The following MAD1L1 variants were observed in gnomAD, a reference collection of about 807,000 sequenced individuals.
MAD1L1 encodes the protein mitotic arrest deficient 1 like 1.
In MAD1L1, 95 loss-of-function variants were observed where a neutral mutation model predicts 96.9. The observed-to-expected ratio is 0.98, with a 90% CI of 0.83 to 1.16. The LOEUF is 1.16. Ranked by LOEUF, MAD1L1 falls within the 50% of genes most tolerant of loss-of-function variation. The pLI is 0.00. For synonymous variants in MAD1L1, 473 were observed against 396.6 expected (o/e 1.19, Z -2.29); for missense variants, 1,007 against 954.4 (o/e 1.06, Z -0.73).
intron 17 of MAD1L1, among the ~76,000 whole-genome samples, chr7:1,908,228 G>A (rs140595673): frequency 0.012 from 1,840 of 152,306 alleles, 23 homozygotes; most frequent in Middle Eastern, 0.017. Context: ...CGCAACTCTC[G>A]CGATCATACC....
chr7:2,179,356 C>T (rs182005133), intron 10 of MAD1L1, among the ~76,000 whole-genome samples: 4 of 151,702 alleles, frequency 2.6e-5, no homozygotes, highest in South Asian at 2.1e-4. Flanking sequence ...GGTAAAACCC[C>T]GTCTCTACTA....
chr7:2,127,641 C>G (rs990875381), intron 11 of MAD1L1, among the ~76,000 whole-genome samples: 18 of 152,100 alleles, frequency 1.2e-4, no homozygotes, highest in African/African-American at 3.9e-4. Context: ...CCCACAGGAA[C>G]CCACCTGCAG....
intron 10 of MAD1L1, among the ~76,000 whole-genome samples, chr7:2,177,912 G>A (rs1269898743): frequency 1.3e-5 from 2 of 151,978 alleles, no homozygotes; most frequent in Admixed American, 6.6e-5. Flanking sequence ...GGCTCTGGAG[G>A]CAAGAGCAAC....
At chr7:2,184,527 T>C (rs1408787034) in intron 10 of MAD1L1, among the ~76,000 whole-genome samples, 1 of 152,132 alleles carries the variant, frequency 6.6e-6, no homozygotes, top group Non-Finnish European at 1.5e-5. Flanking sequence ...CACGTACTCA[T>C]TAAAAGGCCC....
intron 14 of MAD1L1, among the ~76,000 whole-genome samples, chr7:1,998,364 T>C (rs981249046): frequency 6.6e-6 from 1 of 152,062 alleles, no homozygotes; most frequent in Non-Finnish European, 1.5e-5. Flanking sequence ...ACATGGGGAG[T>C]CCATGCTCCA....
chr7:2,054,436 T>C (rs1218343277), intron 12 of MAD1L1, among the ~76,000 whole-genome samples: 2 of 152,090 alleles, frequency 1.3e-5, no homozygotes, highest in African/African-American at 4.8e-5. Context: ...AAAATTGCTT[T>C]TCTCCCTGGA....
chr7:1,982,427 C>G (rs959914029), intron 14 of MAD1L1, among the ~76,000 whole-genome samples: 1 of 152,028 alleles, frequency 6.6e-6, no homozygotes, highest in African/African-American at 2.4e-5. Context: ...GAGGCTGGTC[C>G]CGATCTCCTG....
intron 17 of MAD1L1, among the ~76,000 whole-genome samples, chr7:1,931,049 G>C (rs541394381): frequency 6.7e-6 from 1 of 149,860 alleles, no homozygotes; most frequent in Non-Finnish European, 1.5e-5. Context: ...CTGACACCAC[G>C]GGAACACCCC....
At chr7:2,189,078 T>C (rs1584508797) in intron 10 of MAD1L1, among the ~76,000 whole-genome samples, 1 of 152,148 alleles carries the variant, frequency 6.6e-6, no homozygotes, top group East Asian at 1.9e-4. Context: ...GGAACGGTGC[T>C]CCACACCACT....
chr7:2,153,248 C>G (rs1789667550), intron 10 of MAD1L1, among the ~76,000 whole-genome samples: 1 of 152,118 alleles, frequency 6.6e-6, no homozygotes, highest in Non-Finnish European at 1.5e-5. Context: ...AGTGAAGAGA[C>G]AGCCTCTTGA....
intron 10 of MAD1L1, among the ~76,000 whole-genome samples, chr7:2,152,093 C>A (rs193153975): frequency 6.6e-6 from 1 of 152,230 alleles, no homozygotes; most frequent in African/African-American, 2.4e-5. Context: ...CAGGCAGGAA[C>A]AGAGAGCATG....
chr7:2,102,334 CCAT>C (rs1786844513), intron 11 of MAD1L1, among the ~76,000 whole-genome samples: 1 of 151,324 alleles, frequency 6.6e-6, no homozygotes, highest in East Asian at 1.9e-4. Flanking sequence ...GTCACCATCA[CCAT>C]CACCACCGCC....
At chr7:2,002,330 T>C (rs558544300) in intron 13 of MAD1L1, among the ~76,000 whole-genome samples, 1 of 152,218 alleles carries the variant, frequency 6.6e-6, no homozygotes, top group African/African-American at 2.4e-5. Flanking sequence ...AGACAACTGA[T>C]GGAGACGAAG....
At chr7:2,228,362 G>C (rs1221945254) in intron 3 of MAD1L1, among the ~76,000 whole-genome samples, 1 of 151,914 alleles carries the variant, frequency 6.6e-6, no homozygotes, top group African/African-American at 2.4e-5. Context: ...AGGTTCAAGC[G>C]ATTCTCCTGC....
intron 18 of MAD1L1, among the ~76,000 whole-genome samples, chr7:1,873,599 G>T (rs1284258690): frequency 6.6e-6 from 1 of 152,052 alleles, no homozygotes; most frequent in African/African-American, 2.4e-5. Context: ...GGGGCTCTGC[G>T]GTGGATGGAG....
At chr7:1,850,968 G>A (rs778834335) in intron 18 of MAD1L1, among the ~76,000 whole-genome samples, 32 of 152,324 alleles carry the variant, frequency 2.1e-4, no homozygotes, top group Middle Eastern at 3.4e-3. Flanking sequence ...AGGGCCTGGC[G>A]TCGCGTCCGT....
Position 2,222,658 on chromosome 7 carries a change from G to C in MAD1L1, c.388C>G (p.Arg130Gly). 6 of 1,613,060 alleles carry C rather than the reference G, an allele frequency of 3.7e-6. No homozygotes were observed. Among genetic ancestry groups the C allele is most frequent in the Non-Finnish European group, 5.1e-6 (6 of 1,179,826 alleles). The change falls in exon 5 of 19, where the codon CGC becomes GGC. Residue 130 changes from arginine (R) to glycine (G), a missense_variant. Arg to Gly is a moderately radical substitution (Grantham distance 125). Transcript: ENST00000265854. ...AAGTTCTGCTGACACTGCCTGTTGC[G>C]CTCCAGCTGCTCCTGCATCTTCTCC... ...AEEKMQEQLE[R>G]NRQCQQNLDA...
chr7:1,886,469 G>A (rs1397678996), intron 18 of MAD1L1, among the ~76,000 whole-genome samples: 8 of 152,196 alleles, frequency 5.3e-5, no homozygotes, highest in South Asian at 2.1e-4. Flanking sequence ...GCAGGTCCTC[G>A]ATTCATGAGT....
intron 11 of MAD1L1, among the ~76,000 whole-genome samples, chr7:2,071,740 C>T (rs1562658541): frequency 2.0e-5 from 3 of 152,056 alleles, no homozygotes; most frequent in Non-Finnish European, 4.4e-5. Context: ...CTCACCGGAG[C>T]AGGGAGCGCT....
Sources: allele counts gnomAD v4.1 joint callset (sites outside exome capture counted in the v4.1 genomes callset), GRCh38; gene constraint gnomAD v4.1.1; transcripts MANE v1.5; gene names NCBI Gene and HGNC (gene_info 2026-07-23, HGNC 2026-07-21).